Variants in ZNF626 observed in about 807,000 individuals in gnomAD.
The protein encoded by ZNF626 is CTC-513N18.7.
A neutral mutation model predicts 11.7 loss-of-function variants in ZNF626; 4 were observed. That is an observed-to-expected ratio of 0.34 (90% CI 0.17 to 0.78). The LOEUF (loss-of-function observed/expected upper bound fraction) is 0.78. Among genes scored for constraint, ZNF626 ranks in the 30% least tolerant of loss-of-function variants. The pLI is 0.57. For missense variants in ZNF626, 588 were observed against 587.1 expected (o/e 1.00, Z -0.01); for synonymous variants, 179 against 198.6 (o/e 0.90, Z 0.83).
Position 20,624,623 on chromosome 19 carries a change from A to C in ZNF626, c.1254T>G (p.Ile418Met). Residue 418 changes from isoleucine to methionine, a missense_variant, in exon 4 of 4, where the codon ATT (isoleucine) becomes ATG (methionine). Around this residue, in one of 4 missense-constraint regions of ZNF626, gnomAD observed 15 missense variants for 28.3 expected, o/e 0.53. Coordinates refer to ENST00000601440, the MANE Select transcript of ZNF626 (RefSeq NM_001076675.3). ...YSSNLTTHKK[I>M]HTGERPYKCE... Reference sequence around the variant, plus strand: ...ATTTGTAGGGTCTCTCTCCAGTATGAATTTTCTTATGTGTAGTAAGGTTAG... The same window carrying C: ...ATTTGTAGGGTCTCTCTCCAGTATGCATTTTCTTATGTGTAGTAAGGTTAG... The C allele has an allele frequency of 1.9e-6, 3 of 1,588,636 alleles. No individual in the cohort carries two copies. Among genetic ancestry groups the C allele is most frequent in the Non-Finnish European group, 2.6e-6 (3 of 1,162,684 alleles).
At chr19:20,629,397 A>C (rs1341758034) in intron 3 of ZNF626, among the ~76,000 whole-genome samples, 1 of 152,186 alleles carries the variant, frequency 6.6e-6, no homozygotes, top group Non-Finnish European at 1.5e-5. Context: ...CACGATATTG[A>C]TTCTTCCTAT....
intron 3 of ZNF626, among the ~76,000 whole-genome samples, chr19:20,641,027 T>G (rs1163025301): frequency 2.6e-5 from 4 of 151,560 alleles, no homozygotes; most frequent in Non-Finnish European, 5.9e-5. Context: ...TCCCAGTTAC[T>G]TGGGAGGCTG....
intron 3 of ZNF626, among the ~76,000 whole-genome samples, chr19:20,629,528 T>C (rs1221788555): frequency 1.3e-5 from 2 of 152,246 alleles, no homozygotes; most frequent in African/African-American, 4.8e-5. Context: ...CTAGGTATTT[T>C]ATTCTCTTTG....
In ZNF626 at chr19:20,632,686, C is replaced by T. The variant is rs569266691; in HGVS notation, c.227-7036G>A. Among the ~76,000 whole-genome samples the T allele has an allele frequency of 2.1e-3, 318 of 152,216 alleles. 1 individual carries two copies. Among genetic ancestry groups the T allele is most frequent in the African/African-American group, 7.3e-3 (304 of 41,520 alleles). On this transcript the variant is annotated intron_variant, in intron 3 of 3. Coordinates refer to ENST00000601440, the MANE Select transcript of ZNF626 (RefSeq NM_001076675.3). ...GCATTGGTTATTCTAGTTATCTATTCGTCTAATTTTTTTTCAAAGCCTTTA... is the reference window on the plus strand; with the variant it reads ...GCATTGGTTATTCTAGTTATCTATTTGTCTAATTTTTTTTCAAAGCCTTTA...
chr19:20,642,721 T>C (rs763525395), intron 3 of ZNF626, among the ~76,000 whole-genome samples: 2 of 151,658 alleles, frequency 1.3e-5, no homozygotes, highest in Non-Finnish European at 2.9e-5. Context: ...GGAAGTATCA[T>C]TACGAAAATT....
intron 1 of ZNF626, among the ~76,000 whole-genome samples, chr19:20,648,003 AC>A (rs1323735569): frequency 6.6e-5 from 10 of 151,790 alleles, no homozygotes; most frequent in Non-Finnish European, 1.3e-4. Context: ...ACATGGTATA[AC>A]CCCATCTCTA....
chr19:20,630,039 T>C (rs1222104635), intron 3 of ZNF626, among the ~76,000 whole-genome samples: 1 of 152,160 alleles, frequency 6.6e-6, no homozygotes, highest in Non-Finnish European at 1.5e-5. Flanking sequence ...GAGATAATCA[T>C]GTGGTTTTTG....
In ZNF626 at chr19:20,640,153, A is replaced by C. The variant is rs1970007267; in HGVS notation, c.226+5531T>G. On this transcript the variant is annotated intron_variant, in intron 3 of 3. Transcript: ENST00000601440. ...AAATAAAGTTGGATTATTTCCTTGA[A>C]TGTTACAAAAATATATTTTTAATAA... Among the ~76,000 whole-genome samples, 3 of 151,292 alleles carry C rather than the reference A, an allele frequency of 2.0e-5. No homozygotes were observed. The South Asian group carries it at 6.2e-4, about 31-fold the overall frequency.
intron 1 of ZNF626, among the ~76,000 whole-genome samples, chr19:20,656,144 T>C (rs1352791770): frequency 6.6e-6 from 1 of 152,094 alleles, no homozygotes; most frequent in Admixed American, 6.5e-5. Flanking sequence ...GTCACCCTCC[T>C]ACACTCATCA....
chr19:20,653,144 C>T (rs567553533), intron 1 of ZNF626, among the ~76,000 whole-genome samples: 2 of 152,208 alleles, frequency 1.3e-5, no homozygotes, highest in East Asian at 3.9e-4. Flanking sequence ...TTACTGGAAG[C>T]CTGAGAGGGA....
At chr19:20,629,794 G>A (rs1461192912) in intron 3 of ZNF626, among the ~76,000 whole-genome samples, 1 of 152,052 alleles carries the variant, frequency 6.6e-6, no homozygotes. Flanking sequence ...TGATTGCCCT[G>A]GCCAGAACTT....
In ZNF626 at chr19:20,642,602, ACAACAACAGCAG is replaced by A. The variant is rs573726389; in HGVS notation, c.226+3070_226+3081del. On this transcript the variant is annotated intron_variant, in intron 3 of 3. Coordinates refer to ENST00000601440, the MANE Select transcript of ZNF626 (RefSeq NM_001076675.3). ...CATGGCGAAACTTCCTCTCAAAACA[ACAACAACAGCAG>A]CAACAACAAACAAAAAAACTACACT... Among the ~76,000 whole-genome samples, 1,175 of 152,274 alleles carry A rather than the reference ACAACAACAGCAG, an allele frequency of 7.7e-3. 7 individuals are homozygous for A. Among genetic ancestry groups the A allele is most frequent in the Non-Finnish European group, 0.013 (884 of 68,032 alleles).
chr19:20,653,432 C>T (rs11671682), intron 1 of ZNF626, among the ~76,000 whole-genome samples: 29,658 of 151,972 alleles, frequency 0.2, 3,560 homozygotes, highest in East Asian at 0.46. Context: ...CATAGTTCAT[C>T]CTAAATTCAC....
chr19:20,649,112 AC>A (rs1317011026), intron 1 of ZNF626, among the ~76,000 whole-genome samples: 2 of 152,130 alleles, frequency 1.3e-5, no homozygotes, highest in African/African-American at 4.8e-5. Flanking sequence ...AAGAAAAGCC[AC>A]TTTTTTTTCT....
intron 1 of ZNF626, among the ~76,000 whole-genome samples, chr19:20,657,717 A>G (rs181339851): frequency 1.2e-4 from 19 of 152,222 alleles, no homozygotes; most frequent in African/African-American, 4.6e-4. Flanking sequence ...AGGCAGGAGA[A>G]TTGCTTGAAT....
intron 3 of ZNF626, among the ~76,000 whole-genome samples, chr19:20,642,351 G>A (rs868948428): frequency 2.0e-5 from 3 of 152,046 alleles, no homozygotes; most frequent in South Asian, 2.1e-4. Context: ...TATAATTGCA[G>A]CACTTTGGAA....
chr19:20,639,589 T>A (rs1460202974), intron 3 of ZNF626, among the ~76,000 whole-genome samples: 1 of 152,106 alleles, frequency 6.6e-6, no homozygotes, highest in Non-Finnish European at 1.5e-5. Flanking sequence ...AAACCAACCA[T>A]TAAACAGACA....
At chr19:20,659,213 T>C (rs1169831351) in intron 1 of ZNF626, among the ~76,000 whole-genome samples, 1 of 152,154 alleles carries the variant, frequency 6.6e-6, no homozygotes. Context: ...CATTAAGAAA[T>C]TCAGCTGAAT....
chr19:20,655,416 T>C lies in ZNF626; in HGVS notation c.3+6028A>G, dbSNP rs193041661. On this transcript the variant is annotated intron_variant, in intron 1 of 3. Coordinates refer to ENST00000601440, the MANE Select transcript of ZNF626 (RefSeq NM_001076675.3). ...GCTTCTGTGTGCTCTTAAAATGAGC[T>C]TGTATCTAAACAAATCTGTGTCTAC... 2.6e-5 allele frequency among the ~76,000 whole-genome samples: 4 copies of C among 152,328 alleles called. No individual in the cohort carries two copies. In the East Asian group the frequency reaches 7.7e-4, roughly 29 times the overall value.
Sources: gnomAD v4.1 joint callset for allele counts (sites outside exome capture counted in the v4.1 genomes callset) on GRCh38, gnomAD v4.1.1 for gene constraint, gnomAD v4.1.1 regional missense constraint, MANE v1.5 for transcripts, NCBI Gene and HGNC (gene_info 2026-07-23, HGNC 2026-07-21) for gene names.